The following FYB1 variants were observed in gnomAD, a reference collection of about 807,000 sequenced individuals.
FYB1 encodes FYN binding protein 1.
In FYB1, 41 loss-of-function variants were observed where a neutral mutation model predicts 94.1. That is an observed-to-expected ratio of 0.44 (90% CI 0.34 to 0.57). The LOEUF (loss-of-function observed/expected upper bound fraction) is 0.57, where lower values mean the gene tolerates loss of function less well. Among genes scored for constraint, FYB1 ranks in the 20% least tolerant of loss-of-function variants. FYB1 has a pLI of 0.02. For missense variants in FYB1, 1,050 were observed against 976.8 expected (o/e 1.07, Z -1.00); for synonymous variants, 367 against 353.2 (o/e 1.04, Z -0.44).
intron 2 of FYB1, among the ~76,000 whole-genome samples, chr5:39,166,248 C>T (rs1016005576): frequency 6.6e-6 from 1 of 152,034 alleles, no homozygotes; most frequent in African/African-American, 2.4e-5. Context: ...ACCAGCCTGA[C>T]CAACATGGTG....
intron 3 of FYB1, among the ~76,000 whole-genome samples, chr5:39,146,717 C>T (rs1215499956): frequency 6.6e-6 from 1 of 152,138 alleles, no homozygotes; most frequent in East Asian, 1.9e-4. Context: ...TTATGCAAAG[C>T]ATTTATTACT....
upstream of FYB1, among the ~76,000 whole-genome samples, chr5:39,219,953 T>C (rs13188259): frequency 0.65 from 98,449 of 152,022 alleles, 36,506 homozygotes; most frequent in Non-Finnish European, 0.83. Flanking sequence ...TGGAAGCTAA[T>C]TGCACCTGAG....
intron 1 of FYB1, among the ~76,000 whole-genome samples, chr5:39,240,145 C>A (rs550045290): frequency 1.3e-5 from 2 of 152,224 alleles, no homozygotes; most frequent in African/African-American, 4.8e-5. Context: ...AGCTGAACCC[C>A]TCCTGATACC....
At chr5:39,109,250 G>C (rs145485764) in intron 17 of FYB1, among the ~76,000 whole-genome samples, 6 of 151,956 alleles carry the variant, frequency 3.9e-5, no homozygotes, top group African/African-American at 1.2e-4. Context: ...TGGAGGGAGG[G>C]TTTGGCTAAC....
At chr5:39,230,598 A>T (rs1028390368) in intron 1 of FYB1, among the ~76,000 whole-genome samples, 16 of 152,094 alleles carry the variant, frequency 1.1e-4, no homozygotes, top group African/African-American at 3.9e-4. Context: ...ATGTATACAT[A>T]TTCTTCCACA....
intron 2 of FYB1, among the ~76,000 whole-genome samples, chr5:39,200,860 T>G (rs962071333): frequency 3.3e-5 from 5 of 152,212 alleles, no homozygotes; most frequent in African/African-American, 1.2e-4. Flanking sequence ...TGTAGGCATC[T>G]TGTTTCCCCC....
intron 2 of FYB1, among the ~76,000 whole-genome samples, chr5:39,198,905 A>G (rs1748059080): frequency 6.6e-6 from 1 of 152,104 alleles, no homozygotes; most frequent in Non-Finnish European, 1.5e-5. Context: ...AAACATACAT[A>G]CAGGGGCACG....
chr5:39,213,313 A>G (rs696747), intron 1 of FYB1, among the ~76,000 whole-genome samples: 128,789 of 152,026 alleles, frequency 0.85, 54,903 homozygotes, highest in East Asian at 0.94. Flanking sequence ...TAGGAACCAG[A>G]GTTTTCATTG....
At chr5:39,184,320 A>G (rs1254703532) in intron 2 of FYB1, among the ~76,000 whole-genome samples, 2 of 152,218 alleles carry the variant, frequency 1.3e-5, no homozygotes, top group Admixed American at 1.3e-4. Context: ...GAATTCAATT[A>G]TTTAACAAAA....
At chr5:39,230,399 A>G (rs1416240599) in intron 1 of FYB1, among the ~76,000 whole-genome samples, 1 of 152,098 alleles carries the variant, frequency 6.6e-6, no homozygotes, top group Non-Finnish European at 1.5e-5. Flanking sequence ...CTCCGCCAGA[A>G]CCTCCAGAAG....
At chr5:39,151,689 T>A (rs1284220098) in intron 3 of FYB1, among the ~76,000 whole-genome samples, 1 of 152,186 alleles carries the variant, frequency 6.6e-6, no homozygotes, top group African/African-American at 2.4e-5. Context: ...AAAAGCACAA[T>A]GTAGTGGCTC....
chr5:39,154,867 C>T (rs12187113), intron 2 of FYB1, among the ~76,000 whole-genome samples: 88,891 of 152,024 alleles, frequency 0.58, 29,006 homozygotes, highest in South Asian at 0.73. Flanking sequence ...GCTGGGATTA[C>T]AAGCGTGAGC....
At chr5:39,200,826 G>A (rs1281243285) in intron 2 of FYB1, among the ~76,000 whole-genome samples, 6 of 152,194 alleles carry the variant, frequency 3.9e-5, no homozygotes, top group Admixed American at 3.9e-4. Flanking sequence ...GGAGAAAGAT[G>A]CGACTACAAG....
intron 1 of FYB1, among the ~76,000 whole-genome samples, chr5:39,230,802 AATTGCT>A (rs1478664331): frequency 6.6e-6 from 1 of 151,136 alleles, no homozygotes; most frequent in African/African-American, 2.4e-5. Context: ...TACAGCTGAG[AATTGCT>A]GACTCTGTGA....
chr5:39,244,665 A>G (rs1376555149), intron 1 of FYB1, among the ~76,000 whole-genome samples: 1 of 152,184 alleles, frequency 6.6e-6, no homozygotes, highest in Non-Finnish European at 1.5e-5. Flanking sequence ...AAAATGACTT[A>G]GGGAGGATTG....
intron 1 of FYB1, among the ~76,000 whole-genome samples, chr5:39,234,840 C>A (rs141271794): frequency 1.7e-3 from 257 of 151,676 alleles, no homozygotes; most frequent in African/African-American, 6.0e-3. Flanking sequence ...AGTTGAACAA[C>A]GAGAACACAT....
chr5:39,229,521 A>T (rs746921365), intron 1 of FYB1, among the ~76,000 whole-genome samples: 1 of 152,182 alleles, frequency 6.6e-6, no homozygotes, highest in Non-Finnish European at 1.5e-5. Flanking sequence ...TTGGGGGTAC[A>T]TCCTTTGATA....
rs374649409 is a variant in FYB1 at position 39,147,870 on chromosome 5, C to T, written c.1292+5578G>A. ...TAATTTTTTGTATTTTTAGTAGAGA[C>T]GGGGTTTCACCGTGTTAGTCAGGAT... On this transcript the variant is annotated intron_variant, in intron 3 of 18. Transcript: ENST00000512982. 2.9e-3 allele frequency among the ~76,000 whole-genome samples: 431 copies of T among 150,968 alleles called. 2 individuals are homozygous for T. The highest frequency in any genetic ancestry group is 0.01 in the African/African-American group (423 of 41,148).
rs1183634357 is a variant in FYB1, at chr5:39,106,926, G to A, written c.*517C>T. The A allele has an allele frequency of 1.3e-5, 2 of 152,030 alleles. No individual in the cohort carries two copies. Among genetic ancestry groups the A allele is most frequent in the African/African-American group, 4.8e-5 (2 of 41,430 alleles). 9.4% of individuals were successfully genotyped at this position (152,030 alleles called of 1,614,324 possible). A position where few individuals can be genotyped will look rare whatever the true frequency, so the allele number is the denominator to read the frequency against. On this transcript the variant is annotated 3_prime_UTR_variant, in exon 19 of 19. Coordinates refer to ENST00000512982, the MANE Select transcript of FYB1 (RefSeq NM_001465.6). ...TTGAAAACATTTAACCCACTAGCAA[G>A]AGGTAAGACAGCACTGCCTTTTTAA...
Sources: gnomAD v4.1 joint callset for allele counts (sites outside exome capture counted in the v4.1 genomes callset) on GRCh38, gnomAD v4.1.1 for gene constraint, MANE v1.5 for transcripts, NCBI Gene and HGNC (gene_info 2026-07-23, HGNC 2026-07-21) for gene names.